DGKB: variants seen among roughly 807,000 people sequenced by gnomAD.
The protein encoded by DGKB is 90 kDa diacylglycerol kinase.
DGKB carries 67 observed loss-of-function variants against 114.3 expected under a neutral mutation model. The observed-to-expected ratio is 0.59, with a 90% CI of 0.48 to 0.72. The LOEUF (loss-of-function observed/expected upper bound fraction) is 0.72. DGKB is among the 30% of genes least tolerant of loss of function. DGKB has a pLI of 0.00. For synonymous variants in DGKB, 398 were observed against 323.1 expected (o/e 1.23, Z -2.49); for missense variants, 907 against 975.2 (o/e 0.93, Z 0.93).
intron 20 of DGKB, among the ~76,000 whole-genome samples, chr7:14,534,191 A>G (rs1337990632): frequency 6.6e-6 from 1 of 152,068 alleles, no homozygotes; most frequent in African/African-American, 2.4e-5. Flanking sequence ...AAAAGTATAG[A>G]GGGCTCATAT....
At chr7:14,579,053 T>C (rs1007612623) in intron 19 of DGKB, among the ~76,000 whole-genome samples, 4 of 152,228 alleles carry the variant, frequency 2.6e-5, no homozygotes, top group African/African-American at 4.8e-5. Flanking sequence ...GTTTTAATGT[T>C]ACCTCCTCAG....
In DGKB at chr7:14,682,566, C is replaced by T. The variant is rs375330753; in HGVS notation, c.1022G>A (p.Trp341Ter). The change falls in exon 12 of 26, where the codon TGG (tryptophan) becomes TAG (stop). Residue 341 changes from tryptophan (W) to a stop codon, truncating the protein, a stop_gained. Transcript: ENST00000402815. LOFTEE classifies it high-confidence loss of function. Reference protein sequence around the residue: ...YQGLTGLHCVWCQITLHNKCA... With the variant: ...YQGLTGLHCV ...ATTTTTACTCACTGTGATCTGACAC[C>T]AAACACAATGCAGTCCTGTCAGGCC... 6.2e-7 allele frequency: 1 copy of T among 1,612,178 alleles called. No individual in the cohort carries two copies. Among genetic ancestry groups the T allele is most frequent in the Non-Finnish European group, 8.5e-7 (1 of 1,178,578 alleles).
intron 6 of DGKB, among the ~76,000 whole-genome samples, chr7:14,709,572 T>C (rs1248005244): frequency 1.5e-5 from 2 of 133,830 alleles, no homozygotes; most frequent in African/African-American, 2.8e-5. Context: ...AACCCAAATG[T>C]CCAACAATGA....
intron 1 of DGKB, among the ~76,000 whole-genome samples, chr7:14,915,656 G>A (rs1784206443): frequency 6.6e-6 from 1 of 152,014 alleles, no homozygotes; most frequent in Non-Finnish European, 1.5e-5. Flanking sequence ...GAAGAAAGTG[G>A]AGACAAGTAT....
chr7:14,376,682 C>T (rs143405219), intron 21 of DGKB, among the ~76,000 whole-genome samples: 318 of 152,124 alleles, frequency 2.1e-3, no homozygotes, highest in African/African-American at 7.2e-3. Context: ...ACCATGACTC[C>T]CCCCAGCCCC....
At chr7:14,665,812 TAGAA>T (rs1463394030) in intron 13 of DGKB, among the ~76,000 whole-genome samples, 6 of 152,020 alleles carry the variant, frequency 3.9e-5, no homozygotes, top group African/African-American at 1.4e-4. Flanking sequence ...ATATAAAACT[TAGAA>T]TGAATGTAAA....
intron 4 of DGKB, among the ~76,000 whole-genome samples, chr7:14,753,326 A>ACC (rs1834383288): frequency 6.6e-6 from 1 of 152,174 alleles, no homozygotes; most frequent in Admixed American, 6.6e-5. Context: ...CATTTAGAGC[A>ACC]CCTGAAAATG....
chr7:14,821,943 G>T (rs1845000283), intron 2 of DGKB, among the ~76,000 whole-genome samples: 1 of 152,094 alleles, frequency 6.6e-6, no homozygotes. Context: ...CTGGTAGTTG[G>T]TATGTTGAGA....
intron 2 of DGKB, among the ~76,000 whole-genome samples, chr7:14,826,314 T>C (rs1845705357): frequency 6.6e-6 from 1 of 152,156 alleles, no homozygotes; most frequent in Admixed American, 6.6e-5. Context: ...CAGAACTATC[T>C]TAAACCTCTC....
chr7:14,478,341 T>A, intron 20 of DGKB, 116 bp from the exon 21 acceptor site: 1 of 643,440 alleles, frequency 1.6e-6, no homozygotes. Flanking sequence ...TACAATATTA[T>A]TGCCAAGAAG....
At chr7:14,275,104 C>T (rs970341458) in intron 23 of DGKB, among the ~76,000 whole-genome samples, 2 of 152,072 alleles carry the variant, frequency 1.3e-5, no homozygotes, top group African/African-American at 2.4e-5. Context: ...TCTCTGTCAC[C>T]TCTGGGCAGA....
chr7:14,217,241 ATAAG>A (rs1293755094), intron 23 of DGKB, among the ~76,000 whole-genome samples: 3 of 152,156 alleles, frequency 2.0e-5, no homozygotes, highest in Non-Finnish European at 2.9e-5. Flanking sequence ...AGTTTTATCT[ATAAG>A]TAATATTTTT....
At chr7:14,501,999 G>GT (rs1236308566) in intron 20 of DGKB, among the ~76,000 whole-genome samples, 5 of 151,854 alleles carry the variant, frequency 3.3e-5, no homozygotes. Context: ...ATATTTTTGG[G>GT]TTAAGAGGGT....
intron 23 of DGKB, among the ~76,000 whole-genome samples, chr7:14,284,157 C>T (rs891986477): frequency 2.0e-5 from 3 of 151,684 alleles, no homozygotes; most frequent in Non-Finnish European, 4.4e-5. Context: ...TGAACTCAAA[C>T]AAATTTACAA....
intron 13 of DGKB, among the ~76,000 whole-genome samples, chr7:14,668,446 C>T (rs886904669): frequency 2.6e-4 from 40 of 152,068 alleles, no homozygotes; most frequent in African/African-American, 8.9e-4. Flanking sequence ...GATAACCACT[C>T]GGGCTCCACT....
At chr7:14,914,980 T>C (rs1370226228) in intron 1 of DGKB, among the ~76,000 whole-genome samples, 1 of 152,016 alleles carries the variant, frequency 6.6e-6, no homozygotes, top group African/African-American at 2.4e-5. Flanking sequence ...AAATAAAATA[T>C]AAAGAGCAAA....
At chr7:14,910,790 A>C (rs1293935440) in intron 1 of DGKB, among the ~76,000 whole-genome samples, 1 of 152,166 alleles carries the variant, frequency 6.6e-6, no homozygotes, top group African/African-American at 2.4e-5. Flanking sequence ...ATTATTTAAG[A>C]TTTGAAATTT....
At chr7:14,363,764 T>C (rs1366994800) in intron 21 of DGKB, among the ~76,000 whole-genome samples, 2 of 152,064 alleles carry the variant, frequency 1.3e-5, no homozygotes, top group African/African-American at 4.8e-5. Flanking sequence ...ATTCAGGAAA[T>C]AGAAGCAAAA....
At chr7:14,342,441 T>C (rs1216718011) in intron 22 of DGKB, among the ~76,000 whole-genome samples, 1 of 151,912 alleles carries the variant, frequency 6.6e-6, no homozygotes, top group Non-Finnish European at 1.5e-5. Flanking sequence ...AATATAAACA[T>C]TGGTTTTAAA....
Sources: allele counts gnomAD v4.1 joint callset (sites outside exome capture counted in the v4.1 genomes callset), GRCh38; gene constraint gnomAD v4.1.1; transcripts MANE v1.5; gene names NCBI Gene and HGNC (gene_info 2026-07-23, HGNC 2026-07-21).